Variants in PRKD2 observed in about 807,000 individuals in gnomAD.
PRKD2 encodes the protein serine/threonine-protein kinase D2.
A neutral mutation model predicts 86.0 loss-of-function variants in PRKD2; 22 were observed. The ratio of observed to expected loss-of-function variants is 0.26; its 90% CI spans 0.18 to 0.37. PRKD2 has a LOEUF of 0.37. Ranked by LOEUF, PRKD2 falls within the 10% of genes least tolerant of loss-of-function variation. PRKD2 has a pLI of 1.00. For missense variants in PRKD2, 818 were observed against 1,199.2 expected (o/e 0.68, Z 4.70); for synonymous variants, 509 against 510.9 (o/e 1.00, Z 0.05).
At chr19:46,674,836 G>T in intron 17 of PRKD2, 101 bp from the exon 18 acceptor site, 1 of 1,350,698 alleles carries the variant, frequency 7.4e-7, no homozygotes, top group Non-Finnish European at 1.0e-6. Context: ...TGAAGGTGAA[G>T]CCATACCCTC....
At chr19:46,714,866 C>T (rs769250478) in intron 1 of PRKD2, among the ~76,000 whole-genome samples, 1 of 152,174 alleles carries the variant, frequency 6.6e-6, no homozygotes, top group African/African-American at 2.4e-5. Flanking sequence ...GGGCAAAACC[C>T]TATCAGTTCT....
At position 46,694,721 on chromosome 19, in the gene PRKD2, T is replaced by C. The variant is rs549971346; in HGVS notation, c.1318-588A>G. Among the ~76,000 whole-genome samples the C allele has an allele frequency of 5.9e-5, 9 of 152,308 alleles. No homozygotes were observed. The South Asian group carries it at 1.2e-3, about 21-fold the overall frequency. ...GTGCAAAGGCCCTAAGGAAAGGCTA[T>C]GCTCAAAAGCCAAGCTGTATCCCCA... On this transcript the variant is annotated intron_variant, in intron 9 of 17. Transcript: ENST00000291281.
At chr19:46,686,401 T>G (rs2053397665) in intron 14 of PRKD2, among the ~76,000 whole-genome samples, 1 of 150,072 alleles carries the variant, frequency 6.7e-6, no homozygotes. Flanking sequence ...CTCAGGAGAC[T>G]GAGATGGGAG....
intron 5 of PRKD2, 145 bp from the exon 6 acceptor site, chr19:46,701,257 T>C: frequency 1.1e-6 from 1 of 871,890 alleles, no homozygotes; most frequent in South Asian, 1.5e-5. Context: ...CCCTGGTCAT[T>C]TTCCCACTTT....
intron 14 of PRKD2, chr19:46,688,932 C>T (rs944105882): frequency 6.6e-6 from 1 of 152,162 alleles, no homozygotes; most frequent in Admixed American, 6.6e-5. Flanking sequence ...GGTGGTCCCC[C>T]ACTCCTGGGA....
At chr19:46,710,713 G>C (rs1013866721) in intron 3 of PRKD2, 194 bp downstream of exon 3, 9 of 553,732 alleles carry the variant, frequency 1.6e-5, no homozygotes, top group Non-Finnish European at 2.6e-5. Flanking sequence ...CCTGAGCCCC[G>C]GCCCAGCCCC....
intron 12 of PRKD2, 125 bp downstream of exon 12, chr19:46,691,610 C>T: frequency 1.1e-6 from 1 of 947,378 alleles, no homozygotes; most frequent in Non-Finnish European, 1.7e-6. Flanking sequence ...CTAAGCCAAT[C>T]AACATGGGAG....
Position 46,690,721 on chromosome 19 carries a change from G to A in PRKD2, c.1703-15C>T. 6.2e-7 allele frequency: 1 copy of A among 1,610,214 alleles called. No homozygotes were observed. The highest frequency in any genetic ancestry group is 8.5e-7 in the Non-Finnish European group (1 of 1,176,600). ...CCGGTGTTTTCCTGCACAGGGAGTA[G>A]AAGAGATGGGGGATGAGAGAGCAAG... is the stretch of plus-strand genomic sequence containing the variant. On this transcript the variant is annotated splice_polypyrimidine_tract_variant and intron_variant, in intron 12 of 17. Coordinates refer to ENST00000291281, the MANE Select transcript of PRKD2 (RefSeq NM_016457.5).
chr19:46,699,512 G>A (rs1000060494), intron 7 of PRKD2, among the ~76,000 whole-genome samples: 3 of 152,146 alleles, frequency 2.0e-5, no homozygotes, highest in Admixed American at 6.5e-5. Flanking sequence ...TTATCACCCC[G>A]TGGGGTAGGT....
At chr19:46,700,590 C>T (rs2053621431) in intron 7 of PRKD2, among the ~76,000 whole-genome samples, 1 of 151,852 alleles carries the variant, frequency 6.6e-6, no homozygotes, top group Non-Finnish European at 1.5e-5. Flanking sequence ...CAAGACTGCA[C>T]CACTGCACCA....
chr19:46,689,816 A>T, intron 13 of PRKD2, 118 bp from the exon 14 acceptor site: 4 of 1,218,572 alleles, frequency 3.3e-6, no homozygotes, highest in Non-Finnish European at 4.6e-6. Flanking sequence ...GGGTATTGGC[A>T]CTTGGAGAGG....
chr19:46,694,257 C>A, intron 9 of PRKD2, 124 bp from the exon 10 acceptor site: 2 of 1,287,842 alleles, frequency 1.6e-6, no homozygotes, highest in Non-Finnish European at 2.1e-6. Flanking sequence ...AGTGGTCAGA[C>A]AAGTTCCCAG....
At chr19:46,707,303 T>C (rs952045775) in intron 3 of PRKD2, among the ~76,000 whole-genome samples, 4 of 151,870 alleles carry the variant, frequency 2.6e-5, no homozygotes, top group Admixed American at 2.0e-4. Context: ...GGGCACACCA[T>C]ACAAAAATGG....
chr19:46,714,170 A>T (rs1164758715), intron 1 of PRKD2, 169 bp from the exon 2 acceptor site: 7 of 1,334,904 alleles, frequency 5.2e-6, no homozygotes, highest in Non-Finnish European at 6.7e-6. Flanking sequence ...CGAGCCGGGC[A>T]GGATGCCAGC....
intron 2 of PRKD2, among the ~76,000 whole-genome samples, chr19:46,713,172 C>T (rs1448981982): frequency 6.7e-6 from 1 of 150,068 alleles, no homozygotes; most frequent in Non-Finnish European, 1.5e-5. Flanking sequence ...ACGTGTGCCA[C>T]CTCGCCCGGT....
intron 4 of PRKD2, 28 bp from the exon 5 acceptor site, chr19:46,704,419 C>T: frequency 6.2e-7 from 1 of 1,613,854 alleles, no homozygotes; most frequent in Non-Finnish European, 8.5e-7. Context: ...GGAGGGGACA[C>T]ATCAGTGCGT....
At chr19:46,713,702 C>T (rs1432204863) in intron 2 of PRKD2, among the ~76,000 whole-genome samples, 161 bp downstream of exon 2, 2 of 151,986 alleles carry the variant, frequency 1.3e-5, no homozygotes, top group East Asian at 3.9e-4. Flanking sequence ...TGGGCTCAAG[C>T]GATCCCCCCA....
At chr19:46,697,688 T>A (rs201197655) in intron 8 of PRKD2, 45 bp downstream of exon 8, 99 of 1,560,782 alleles carry the variant, frequency 6.3e-5, no homozygotes, top group Non-Finnish European at 8.0e-5. Context: ...CCGCCCCTCT[T>A]CCAGCCTTCG....
intron 14 of PRKD2, 84 bp from the exon 15 acceptor site, chr19:46,681,832 A>T: frequency 1.4e-6 from 1 of 711,246 alleles, no homozygotes; most frequent in Non-Finnish European, 2.3e-6. Flanking sequence ...CTCCAAACCC[A>T]TCCATACTTT....
Sources: allele counts gnomAD v4.1 joint callset (sites outside exome capture counted in the v4.1 genomes callset), GRCh38; gene constraint gnomAD v4.1.1; transcripts MANE v1.5; gene names NCBI Gene and HGNC (gene_info 2026-07-23, HGNC 2026-07-21).